SIPA1L2: variants seen among roughly 807,000 people sequenced by gnomAD.
SIPA1L2 encodes the protein signal induced proliferation associated 1 like 2, also known as signal-induced proliferation-associated 1-like protein 2.
Under a neutral mutation model 163.9 loss-of-function variants are expected in SIPA1L2, and 56 were observed. The observed-to-expected ratio is 0.34, with a 90% confidence interval of 0.28 to 0.43. The LOEUF (loss-of-function observed/expected upper bound fraction) is 0.43, where lower values mean the gene tolerates loss of function less well. Among genes scored for constraint, SIPA1L2 ranks in the 20% least tolerant of loss-of-function variants. The pLI, the probability that SIPA1L2 is intolerant of heterozygous loss-of-function variation, is 1.00. For missense variants in SIPA1L2, 1,974 were observed against 2,193.5 expected (o/e 0.90, Z 2.00); for synonymous variants, 877 against 865.7 (o/e 1.01, Z -0.23).
chr1:232,537,246 T>C (rs995979448), intron 2 of SIPA1L2, among the ~76,000 whole-genome samples: 23 of 151,574 alleles, frequency 1.5e-4, no homozygotes. Context: ...CAAAAATAAA[T>C]AAATAATAAT....
At chr1:232,437,889 T>C (rs1368179729) in intron 15 of SIPA1L2, among the ~76,000 whole-genome samples, 2 of 152,060 alleles carry the variant, frequency 1.3e-5, no homozygotes, top group East Asian at 1.9e-4. Context: ...AAGAGAAGAA[T>C]GCTGAGATTT....
intron 1 of SIPA1L2, among the ~76,000 whole-genome samples, chr1:232,584,805 CA>C (rs150328115): frequency 1.3e-5 from 2 of 152,220 alleles, no homozygotes; most frequent in African/African-American, 4.8e-5. Context: ...GTCAACCAGA[CA>C]GAAGAAAAAT....
chr1:232,604,388 C>T (rs1257564583), intron 1 of SIPA1L2, among the ~76,000 whole-genome samples: 1 of 152,234 alleles, frequency 6.6e-6, no homozygotes, highest in Non-Finnish European at 1.5e-5. Context: ...TTATTTAACA[C>T]ATACCAGATG....
At chr1:232,512,535 A>T (rs1185412658) in intron 3 of SIPA1L2, among the ~76,000 whole-genome samples, 2 of 152,226 alleles carry the variant, frequency 1.3e-5, no homozygotes, top group Non-Finnish European at 2.9e-5. Context: ...GATACTATGT[A>T]GCCATAAAAA....
rs760617027 is a variant in SIPA1L2, at chr1:232,404,191, T to G, written c.4763-13A>C. ...TCTGAGTCAAGACCTGAAATAAGAT[T>G]TAGAATTTTCCTATGAACAGGAGTA... On this transcript the variant is annotated splice_polypyrimidine_tract_variant and intron_variant, in intron 19 of 22. Coordinates refer to ENST00000674635, the MANE Select transcript of SIPA1L2 (RefSeq NM_020808.5). 1 of 1,613,626 alleles carries G rather than the reference T, an allele frequency of 6.2e-7. No individual in the cohort carries two copies. Among genetic ancestry groups the G allele is most frequent in the African/African-American group, 1.3e-5 (1 of 74,926 alleles).
At chr1:232,588,840 GT>G (rs2102822421) in intron 1 of SIPA1L2, among the ~76,000 whole-genome samples, 1 of 152,260 alleles carries the variant, frequency 6.6e-6, no homozygotes, top group African/African-American at 2.4e-5. Flanking sequence ...AAGTGTCTTA[GT>G]TTTGGAAAAT....
intron 10 of SIPA1L2, among the ~76,000 whole-genome samples, chr1:232,449,276 T>C (rs1442600481): frequency 1.3e-5 from 2 of 150,850 alleles, no homozygotes; most frequent in Non-Finnish European, 3.0e-5. Flanking sequence ...CCCAGCACTT[T>C]GGGGGGCCGA....
At chr1:232,504,645 CAT>C (rs1000753627) in intron 3 of SIPA1L2, among the ~76,000 whole-genome samples, 3 of 152,072 alleles carry the variant, frequency 2.0e-5, no homozygotes, top group South Asian at 2.1e-4. Flanking sequence ...TTTTGAAAAA[CAT>C]AGATTTTTGT....
intron 2 of SIPA1L2, among the ~76,000 whole-genome samples, chr1:232,558,600 G>A (rs1443540831): frequency 6.6e-6 from 1 of 152,180 alleles, no homozygotes; most frequent in African/African-American, 2.4e-5. Flanking sequence ...AAGCAACCAA[G>A]TCTGAGAGAT....
chr1:232,545,507 C>T (rs370846510), intron 2 of SIPA1L2, among the ~76,000 whole-genome samples: 23 of 152,162 alleles, frequency 1.5e-4, no homozygotes, highest in African/African-American at 1.9e-4. Context: ...TGTAATCACA[C>T]GTAATACTAC....
intron 3 of SIPA1L2, among the ~76,000 whole-genome samples, chr1:232,495,938 T>C: frequency 6.6e-6 from 1 of 152,354 alleles, no homozygotes; most frequent in East Asian, 1.9e-4. Flanking sequence ...TAAATGTTAT[T>C]ACAAAAGAGT....
chr1:232,577,344 C>A (rs1660131741), intron 1 of SIPA1L2, among the ~76,000 whole-genome samples: 1 of 152,180 alleles, frequency 6.6e-6, no homozygotes. Flanking sequence ...TGCTCATTGA[C>A]AATGCATCTG....
rs1663690118 is a variant in SIPA1L2, at chr1:232,453,193, C to T, written c.3096-7407G>A. On this transcript the variant is annotated intron_variant, in intron 10 of 22. Coordinates refer to ENST00000674635, the MANE Select transcript of SIPA1L2 (RefSeq NM_020808.5). ...TCTTACATAAAAGTAGGATGCATGA[C>T]TTTGTATTACGCTACTATGAAACTA... 2.6e-5 allele frequency among the ~76,000 whole-genome samples: 4 copies of T among 152,250 alleles called. No homozygotes were observed. The South Asian group carries it at 8.3e-4, about 32-fold the overall frequency.
chr1:232,426,512 T>G (rs935448836), intron 17 of SIPA1L2, among the ~76,000 whole-genome samples: 1 of 152,050 alleles, frequency 6.6e-6, no homozygotes, highest in Non-Finnish European at 1.5e-5. Flanking sequence ...TACAAAAAAT[T>G]AGCTGGGCAT....
rs1664024177 is a variant in SIPA1L2 at position 232,457,991 on chromosome 1, A to G, written c.3095+2896T>C. Among the ~76,000 whole-genome samples the G allele has an allele frequency of 2.0e-5, 3 of 152,200 alleles. No individual in the cohort carries two copies. In the South Asian group the frequency reaches 6.2e-4, roughly 32 times the overall value. On this transcript the variant is annotated intron_variant, in intron 10 of 22. Coordinates refer to ENST00000674635, the MANE Select transcript of SIPA1L2 (RefSeq NM_020808.5). ...ATTTACAAATTCAGATTCCTAGAAAATTGGAAAACTGAATTGAAAGAGTTT... is the reference window on the plus strand; with the variant it reads ...ATTTACAAATTCAGATTCCTAGAAAGTTGGAAAACTGAATTGAAAGAGTTT...
intron 1 of SIPA1L2, among the ~76,000 whole-genome samples, chr1:232,597,554 A>G (rs936430843): frequency 1.6e-4 from 24 of 150,930 alleles, no homozygotes; most frequent in East Asian, 7.8e-4. Flanking sequence ...GCCGGGCGTG[A>G]TGGCGGGCGT....
At chr1:232,511,950 T>C (rs1573006742) in intron 3 of SIPA1L2, among the ~76,000 whole-genome samples, 2 of 152,104 alleles carry the variant, frequency 1.3e-5, no homozygotes. Flanking sequence ...ACCTACAGAA[T>C]GGGAGAAAAT....
chr1:232,534,468 T>C (rs77140866), intron 2 of SIPA1L2, among the ~76,000 whole-genome samples: 342 of 152,334 alleles, frequency 2.2e-3, no homozygotes, highest in African/African-American at 7.8e-3. Flanking sequence ...CGCTTCACCA[T>C]ATAGATTTGG....
intron 1 of SIPA1L2, among the ~76,000 whole-genome samples, chr1:232,618,810 C>T (rs1265647603): frequency 6.6e-6 from 1 of 152,146 alleles, no homozygotes; most frequent in Non-Finnish European, 1.5e-5. Flanking sequence ...ATTCTGTCAA[C>T]TAACTGAAAT....
Sources: gnomAD v4.1 joint callset for allele counts (sites outside exome capture counted in the v4.1 genomes callset) on GRCh38, gnomAD v4.1.1 for gene constraint, MANE v1.5 for transcripts, NCBI Gene and HGNC (gene_info 2026-07-23, HGNC 2026-07-21) for gene names.